GRID2: variants seen among roughly 807,000 people sequenced by gnomAD.
GRID2 encodes glutamate receptor ionotropic, delta-2.
GRID2 carries 33 observed loss-of-function variants against 114.8 expected under a neutral mutation model. The observed-to-expected ratio is 0.29, with a 90% CI of 0.22 to 0.38. The LOEUF (loss-of-function observed/expected upper bound fraction) is 0.38. Ranked by LOEUF, GRID2 falls within the 10% of genes least tolerant of loss-of-function variation. The pLI is 1.00. For synonymous variants in GRID2, 505 were observed against 449.9 expected (o/e 1.12, Z -1.55); for missense variants, 1,184 against 1,257.7 (o/e 0.94, Z 0.89).
chr4:93,269,696 G>C (rs1009521222), intron 8 of GRID2, among the ~76,000 whole-genome samples: 2 of 152,180 alleles, frequency 1.3e-5, no homozygotes, highest in Non-Finnish European at 2.9e-5. Context: ...GGGAGATTTA[G>C]TCATAAGCAG....
chr4:92,581,968 A>G (rs76464430), intron 1 of GRID2, among the ~76,000 whole-genome samples: 4,142 of 152,012 alleles, frequency 0.027, 196 homozygotes, highest in African/African-American at 0.094. Context: ...TTGATTTCCT[A>G]TGTTTAAAAT....
At chr4:93,216,655 A>T (rs1050952060) in intron 5 of GRID2, 83 bp from the exon 6 acceptor site, 5 of 872,452 alleles carry the variant, frequency 5.7e-6, no homozygotes, top group Non-Finnish European at 9.2e-6. Flanking sequence ...AATCCCTAAC[A>T]TTTACAGATA....
intron 2 of GRID2, among the ~76,000 whole-genome samples, chr4:92,719,344 C>G (rs1305190715): frequency 6.6e-6 from 1 of 152,096 alleles, no homozygotes; most frequent in Non-Finnish European, 1.5e-5. Flanking sequence ...TTAACAAATG[C>G]TATAACCATA....
chr4:93,766,417 A>G (rs1326708871), intron 14 of GRID2, among the ~76,000 whole-genome samples: 1 of 152,148 alleles, frequency 6.6e-6, no homozygotes, highest in African/African-American at 2.4e-5. Context: ...GAGACTCACT[A>G]TCACAAGAAC....
chr4:92,390,665 T>C (rs1415384793), intron 1 of GRID2, among the ~76,000 whole-genome samples: 1 of 152,184 alleles, frequency 6.6e-6, no homozygotes, highest in African/African-American at 2.4e-5. Context: ...AAAAATTAGA[T>C]ACTTTCCCCT....
chr4:92,892,384 T>C (rs1025880047), intron 2 of GRID2, among the ~76,000 whole-genome samples: 3 of 152,206 alleles, frequency 2.0e-5, no homozygotes, highest in Admixed American at 6.5e-5. Context: ...CTGAGAGATA[T>C]ATTTTCTTCA....
intron 1 of GRID2, among the ~76,000 whole-genome samples, chr4:92,436,514 T>A (rs1732741087): frequency 6.6e-6 from 1 of 152,162 alleles, no homozygotes; most frequent in Admixed American, 6.5e-5. Context: ...CAGCTTTTTT[T>A]TGGTTTGTTT....
At chr4:93,661,685 C>A (rs1723506366) in intron 14 of GRID2, among the ~76,000 whole-genome samples, 2 of 152,118 alleles carry the variant, frequency 1.3e-5, no homozygotes, top group African/African-American at 4.8e-5. Context: ...CTTGTAGGAA[C>A]AATGATTGAA....
intron 8 of GRID2, among the ~76,000 whole-genome samples, chr4:93,267,965 G>C (rs1347908177): frequency 2.0e-5 from 3 of 152,142 alleles, no homozygotes; most frequent in Non-Finnish European, 4.4e-5. Context: ...GGTAGGGTCA[G>C]GACGCTCCCC....
chr4:93,736,423 C>A (rs1202538105), intron 14 of GRID2, among the ~76,000 whole-genome samples: 1 of 151,920 alleles, frequency 6.6e-6, no homozygotes, highest in African/African-American at 2.4e-5. Context: ...GTTGTTTGTC[C>A]AAAGCTACAT....
At chr4:92,748,161 C>A (rs1737247901) in intron 2 of GRID2, among the ~76,000 whole-genome samples, 1 of 152,068 alleles carries the variant, frequency 6.6e-6, no homozygotes, top group Admixed American at 6.6e-5. Flanking sequence ...GCTTAGATTT[C>A]TGAATACATT....
intron 14 of GRID2, among the ~76,000 whole-genome samples, chr4:93,630,726 G>T (rs2149697210): frequency 6.6e-6 from 1 of 152,178 alleles, no homozygotes; most frequent in Admixed American, 6.5e-5. Context: ...AGAATTTTTA[G>T]AAATGGAACT....
At position 93,581,109 on chromosome 4, in the gene GRID2, C is replaced by G. The variant is rs1302313232; in HGVS notation, c.2194-45160C>G. 2.7e-5 allele frequency among the ~76,000 whole-genome samples: 4 copies of G among 148,344 alleles called. No individual in the cohort carries two copies. In the Admixed American group the frequency reaches 2.7e-4, roughly 10 times the overall value. On this transcript the variant is annotated intron_variant, in intron 13 of 15. Coordinates refer to ENST00000282020, the MANE Select transcript of GRID2 (RefSeq NM_001510.4). ...ATCCCTCCCCTAGTCCCCCACCCCCCAACAGCCCCCCGTGTGTAGTGTTCC... is the reference window on the plus strand; with the variant it reads ...ATCCCTCCCCTAGTCCCCCACCCCCGAACAGCCCCCCGTGTGTAGTGTTCC...
intron 2 of GRID2, among the ~76,000 whole-genome samples, chr4:92,923,322 C>A (rs1369571149): frequency 6.6e-6 from 1 of 152,024 alleles, no homozygotes; most frequent in Admixed American, 6.6e-5. Context: ...TTTTATATTA[C>A]AATGTGAAAT....
chr4:93,130,034 G>A (rs1042448876), intron 4 of GRID2, among the ~76,000 whole-genome samples: 1 of 152,170 alleles, frequency 6.6e-6, no homozygotes, highest in African/African-American at 2.4e-5. Flanking sequence ...GACATAGAAT[G>A]ACATAGCTGA....
At chr4:93,387,161 A>T (rs1048497767) in intron 8 of GRID2, among the ~76,000 whole-genome samples, 1 of 152,158 alleles carries the variant, frequency 6.6e-6, no homozygotes, top group African/African-American at 2.4e-5. Context: ...TCAACAGTTT[A>T]TATTTCATTT....
chr4:92,414,086 T>A lies in GRID2; in HGVS notation c.88+109342T>A, dbSNP rs554536283. ...GCTTTGCACTGACAATGGTGATACA[T>A]AATAAAGTCTTGGCATCATAAGTAA... On this transcript the variant is annotated intron_variant, in intron 1 of 15. Transcript: ENST00000282020. Among the ~76,000 whole-genome samples, 51 of 152,256 alleles carry A rather than the reference T, an allele frequency of 3.3e-4. No homozygotes were observed. The Middle Eastern group carries it at 0.017, about 51-fold the overall frequency.
intron 10 of GRID2, among the ~76,000 whole-genome samples, chr4:93,432,782 C>T (rs768890335): frequency 1.3e-5 from 2 of 152,126 alleles, no homozygotes; most frequent in African/African-American, 2.4e-5. Flanking sequence ...GGTTCATTGG[C>T]CAGGCAAGGT....
At chr4:93,692,288 G>A (rs1259727919) in intron 14 of GRID2, among the ~76,000 whole-genome samples, 1 of 151,878 alleles carries the variant, frequency 6.6e-6, no homozygotes, top group Non-Finnish European at 1.5e-5. Context: ...AGAAAGTGAG[G>A]AAGCCAGCCA....
Sources: gnomAD v4.1 joint callset for allele counts (sites outside exome capture counted in the v4.1 genomes callset) on GRCh38, gnomAD v4.1.1 for gene constraint, MANE v1.5 for transcripts, NCBI Gene and HGNC (gene_info 2026-07-23, HGNC 2026-07-21) for gene names.